PKHD1: variants seen among roughly 807,000 people sequenced by gnomAD.
The protein encoded by PKHD1 is fibrocystin.
In PKHD1, 291 loss-of-function variants were observed where a neutral mutation model predicts 412.0. The observed-to-expected ratio is 0.71, with a 90% CI of 0.64 to 0.78. The LOEUF is 0.78. PKHD1 is among the 30% of genes least tolerant of loss of function. The pLI, the probability that PKHD1 is intolerant of heterozygous loss-of-function variation, is 0.00. For synonymous variants in PKHD1, 1,777 were observed against 1,821.5 expected, an observed-to-expected ratio of 0.98 and a Z score of 0.62; for missense variants, 4,825 against 4,950.7, an observed-to-expected ratio of 0.97 and a Z score of 0.76.
chr6:51,904,868 C>A (rs1051602937), intron 41 of PKHD1, among the ~76,000 whole-genome samples: 2 of 152,192 alleles, frequency 1.3e-5, no homozygotes, highest in African/African-American at 4.8e-5. Flanking sequence ...CTTGCACGGA[C>A]AAACATAGGA....
Position 52,062,586 on chromosome 6 carries a change from T to C in PKHD1, c.1051A>G (p.Arg351Gly), listed in dbSNP as rs1482996667. The C allele has an allele frequency of 6.2e-7, 1 of 1,613,932 alleles. No homozygotes were observed. Among genetic ancestry groups the C allele is most frequent in the Non-Finnish European group, 8.5e-7 (1 of 1,179,756 alleles). ...CTGGCATTAGGGACAATCTGCCACC[T>C]GTACCCTGGGGTGGCTTCAGTCAGT... ...LELTEATPGY[R>G]WQIVPNASSP... is the part of the protein sequence containing the mutation. Residue 351 changes from arginine to glycine, a missense_variant, in exon 14 of 67, where the codon AGG becomes GGG. Coordinates refer to ENST00000371117, the MANE Select transcript of PKHD1 (RefSeq NM_138694.4).
At chr6:51,635,876 C>CGGGGGTGGAGG (rs1581768607) in intron 64 of PKHD1, among the ~76,000 whole-genome samples, 1 of 41,506 alleles carries the variant, frequency 2.4e-5, no homozygotes, top group Non-Finnish European at 5.3e-5. Flanking sequence ...GGCGGGGGGC[C>CGGGGGTGGAGG]GGGGGCGGAT....
At chr6:51,669,801 C>T (rs9474046) in intron 60 of PKHD1, among the ~76,000 whole-genome samples, 27,910 of 99,402 alleles carry the variant, frequency 0.28, 4,710 homozygotes, top group African/African-American at 0.59. Context: ...CATTTCGTTA[C>T]GTACCCAGTA....
intron 1 of PKHD1, among the ~76,000 whole-genome samples, chr6:52,085,580 C>T (rs1335069218): frequency 1.3e-5 from 2 of 152,208 alleles, no homozygotes; most frequent in Admixed American, 1.3e-4. Context: ...TGATTCTTTC[C>T]TCCGCCATTC....
chr6:52,006,332 G>A (rs1281457835), intron 35 of PKHD1, among the ~76,000 whole-genome samples: 2 of 150,426 alleles, frequency 1.3e-5, no homozygotes, highest in Non-Finnish European at 3.0e-5. Context: ...CACCACGCTG[G>A]GCTGATTTTT....
chr6:51,896,254 A>C (rs1393327571), intron 43 of PKHD1, among the ~76,000 whole-genome samples: 4 of 151,964 alleles, frequency 2.6e-5, no homozygotes, highest in Non-Finnish European at 5.9e-5. Context: ...CTGCAGACTT[A>C]AATGTCCCTG....
intron 33 of PKHD1, among the ~76,000 whole-genome samples, chr6:52,020,866 A>T (rs1385277899): frequency 6.6e-6 from 1 of 151,912 alleles, no homozygotes; most frequent in Non-Finnish European, 1.5e-5. Flanking sequence ...AATGTCTAAG[A>T]CCTATCCCCT....
rs1582000062 is a variant in PKHD1 at position 52,056,759 on chromosome 6, T to C, written c.1632A>G (p.Ala544=). 1 of 1,613,584 alleles carries C rather than the reference T, an allele frequency of 6.2e-7. No individual in the cohort carries two copies. Among genetic ancestry groups the C allele is most frequent in the Non-Finnish European group, 8.5e-7 (1 of 1,179,488 alleles). Residue 544 remains alanine (A), a synonymous_variant, in exon 18 of 67, where the codon GCA becomes GCG. Coordinates refer to ENST00000371117, the MANE Select transcript of PKHD1 (RefSeq NM_138694.4). ...LIQTTIEELL[A]VKCKLEPLWS... is the part of the protein sequence containing the mutation. ...AAAGGGGTTCCAGTTTGCATTTTAC[T>C]GCAAGTAACTCCTCAATGGTTGTTT... is the stretch of plus-strand genomic sequence containing the variant.
At chr6:51,704,566 A>G (rs932262583) in intron 60 of PKHD1, among the ~76,000 whole-genome samples, 3 of 152,094 alleles carry the variant, frequency 2.0e-5, no homozygotes, top group African/African-American at 7.2e-5. Context: ...AATTAAGAAG[A>G]AAGGATGGAT....
At position 51,618,987 on chromosome 6, in the gene PKHD1, T is replaced by G. The variant is rs1766274904; in HGVS notation, c.*94A>C. 2 of 1,129,904 alleles carry G rather than the reference T, an allele frequency of 1.8e-6. No homozygotes were observed. Among genetic ancestry groups the G allele is most frequent in the Non-Finnish European group, 2.7e-6 (2 of 742,536 alleles). The allele number at this position is 1,129,904 out of a possible 1,614,324, so 70.0% of individuals were successfully genotyped here. A position where few individuals can be genotyped will look rare whatever the true frequency, so the allele number is the denominator to read the frequency against. On this transcript the variant is annotated 3_prime_UTR_variant, in exon 67 of 67. Coordinates refer to ENST00000371117, the MANE Select transcript of PKHD1 (RefSeq NM_138694.4). The stretch of plus-strand genomic sequence containing the variant: ...AGAGTCCACATTCTCTCTTCTTAGT[T>G]GTCCCAGCAGGACAGTCCTCACTTC...
chr6:51,883,184 T>C lies in PKHD1; in HGVS notation c.7259A>G (p.Tyr2420Cys), dbSNP rs1583184680. Reference sequence around the variant, plus strand: ...GTCAATTCCAAAATCTCTGCATGAATAAACTTTGAAGTTTTTCAGGCGAAG... The same window carrying C: ...GTCAATTCCAAAATCTCTGCATGAACAAACTTTGAAGTTTTTCAGGCGAAG... ...SNLRLKNFKVYSCRDFGIDVL... is the reference protein window; with the variant it reads ...SNLRLKNFKVCSCRDFGIDVL... Residue 2420 changes from tyrosine to cysteine, a missense_variant, in exon 46 of 67, where the codon TAT becomes TGT. Tyr to Cys is a radical substitution (Grantham distance 194). Transcript: ENST00000371117. 2 of 1,611,498 alleles carry C rather than the reference T, an allele frequency of 1.2e-6. No homozygotes were observed.
intron 60 of PKHD1, among the ~76,000 whole-genome samples, chr6:51,687,636 C>T (rs1372908954): frequency 6.6e-6 from 1 of 152,122 alleles, no homozygotes; most frequent in Non-Finnish European, 1.5e-5. Flanking sequence ...TTCCATTTGC[C>T]TGATGAAAAA....
At chr6:51,926,950 G>T (rs1785736622) in intron 37 of PKHD1, among the ~76,000 whole-genome samples, 1 of 152,166 alleles carries the variant, frequency 6.6e-6, no homozygotes, top group African/African-American at 2.4e-5. Context: ...CCACGCTAGG[G>T]TTCCAAGTAT....
chr6:51,909,516 A>T, intron 39 of PKHD1, 42 bp from the exon 40 acceptor site: 11 of 1,454,500 alleles, frequency 7.6e-6, no homozygotes, highest in African/African-American at 1.4e-5. Flanking sequence ...AAGCATGTAG[A>T]ACATGCTTCC....
chr6:51,704,932 A>C (rs1463247823), intron 60 of PKHD1, among the ~76,000 whole-genome samples: 1 of 152,008 alleles, frequency 6.6e-6, no homozygotes, highest in African/African-American at 2.4e-5. Context: ...CTAACATTGG[A>C]GGTATAGGTA....
rs747684641 is a variant in PKHD1, at chr6:52,025,293, C to A, written c.4517G>T (p.Gly1506Val). ...ATCAGCTGTGGTGGCTAACCTCTGA[C>A]CCCTAATCAGCACAGTGGTCAGAGA... ...SGSLTTVLIR[G>V]QRLATTADEP... Residue 1506 changes from glycine to valine, a missense_variant, in exon 32 of 67, where the codon GGT becomes GTT. Transcript: ENST00000371117. The A allele has an allele frequency of 6.2e-7, 1 of 1,614,016 alleles. No homozygotes were observed.
rs1302999044 is a variant in PKHD1, at chr6:52,056,912, G to A, written c.1580C>T (p.Pro527Leu). Residue 527 changes from proline to leucine, a missense_variant, in exon 17 of 67, where the codon CCT (proline) becomes CTT (leucine). Pro to Leu is a moderately conservative substitution (Grantham distance 98). Coordinates refer to ENST00000371117, the MANE Select transcript of PKHD1 (RefSeq NM_138694.4). ...TWDNVSSQPI[P>L]ANATAHLIQT... ...CACCAGATGGGCTGTGGCATTTGCA[G>A]GGATTGGCTGACTAGAGACATTGTC... is the stretch of plus-strand genomic sequence containing the variant. 1 of 1,613,586 alleles carries A rather than the reference G, an allele frequency of 6.2e-7. No homozygotes were observed. The highest frequency in any genetic ancestry group is 8.5e-7 in the Non-Finnish European group (1 of 1,179,648).
At chr6:51,628,223 C>T (rs543685681) in intron 65 of PKHD1, among the ~76,000 whole-genome samples, 1 of 152,056 alleles carries the variant, frequency 6.6e-6, no homozygotes, top group Non-Finnish European at 1.5e-5. Context: ...CCCTTACCCC[C>T]CTCCCACCTT....
chr6:51,728,200 G>T (rs1228685192), intron 60 of PKHD1, among the ~76,000 whole-genome samples: 1 of 152,130 alleles, frequency 6.6e-6, no homozygotes, highest in Non-Finnish European at 1.5e-5. Flanking sequence ...CTTAAAGATG[G>T]AACCCACTCC....
Sources: gnomAD v4.1 joint callset for allele counts (sites outside exome capture counted in the v4.1 genomes callset) on GRCh38, gnomAD v4.1.1 for gene constraint, MANE v1.5 for transcripts, NCBI Gene and HGNC (gene_info 2026-07-23, HGNC 2026-07-21) for gene names.